RNF125: variants seen among roughly 807,000 people sequenced by gnomAD.
RNF125 encodes the protein ring finger protein 125, also known as E3 ubiquitin-protein ligase RNF125.
In RNF125, 21 loss-of-function variants were observed where a neutral mutation model predicts 26.0. The ratio of observed to expected loss-of-function variants is 0.81; its 90% CI spans 0.57 to 1.16. The LOEUF (loss-of-function observed/expected upper bound fraction) is 1.16, where lower values mean the gene tolerates loss of function less well. Ranked by LOEUF, RNF125 falls within the 50% of genes most tolerant of loss-of-function variation. The pLI is 0.00. For missense variants in RNF125, 270 were observed against 299.4 expected, an observed-to-expected ratio of 0.90 and a Z score of 0.72; for synonymous variants, 95 against 109.2, an observed-to-expected ratio of 0.87 and a Z score of 0.81.
rs76341021 is a variant in RNF125, at chr18:32,067,924, T to C, written c.613-374T>C. ...TTCAGAAGTAGCCATTCAGTGGTAC[T>C]GCTGGCATTGGTGAAGCCTGTGGGG... On this transcript the variant is annotated intron_variant, in intron 5 of 5. Transcript: ENST00000217740. 9.1e-4 allele frequency among the ~76,000 whole-genome samples: 138 copies of C among 152,374 alleles called. 4 individuals carry two copies. The East Asian group carries it at 0.022, about 24-fold the overall frequency.
At chr18:32,076,266 G>A (rs1033308033), downstream of RNF125, 22 of 391,940 alleles carry the variant, frequency 5.6e-5, no homozygotes, top group Admixed American at 1.6e-4. Flanking sequence ...ACATTTATGC[G>A]CACCATTGTG....
rs538960587 is a variant in RNF125 at position 32,041,815 on chromosome 18, A to G, written c.319-364A>G. 6 of 115,918 alleles carry G rather than the reference A, an allele frequency of 5.2e-5. No individual in the cohort carries two copies. The South Asian group carries it at 8.4e-4, about 16-fold the overall frequency. The allele number at this position is 115,918 out of a possible 1,614,324, so 7.2% of individuals were successfully genotyped here. A position where few individuals can be genotyped will look rare whatever the true frequency, so the allele number is the denominator to read the frequency against. ...CCGGCTAATTTTTTGTATTTTTAGT[A>G]GAGACGGGGTTTCACCGTGTTAGCC... On this transcript the variant is annotated intron_variant, in intron 2 of 5. Coordinates refer to ENST00000217740, the MANE Select transcript of RNF125 (RefSeq NM_017831.4).
chr18:32,041,332 C>CTGTT (rs1412237462), intron 2 of RNF125, among the ~76,000 whole-genome samples: 1 of 152,166 alleles, frequency 6.6e-6, no homozygotes. Flanking sequence ...TCATGTAATA[C>CTGTT]TGTTGGGTGT....
chr18:32,047,387 A>C (rs967666752), intron 4 of RNF125, among the ~76,000 whole-genome samples: 1 of 152,138 alleles, frequency 6.6e-6, no homozygotes, highest in African/African-American at 2.4e-5. Flanking sequence ...TGTATGCTTA[A>C]ACTTTTCCTT....
chr18:32,053,903 A>AG (rs1306415659), intron 4 of RNF125, among the ~76,000 whole-genome samples: 6 of 151,876 alleles, frequency 4.0e-5, no homozygotes, highest in African/African-American at 7.3e-5. Context: ...CAGAAAGACT[A>AG]GGGGGGGAGA....
intron 4 of RNF125, among the ~76,000 whole-genome samples, chr18:32,055,372 G>T (rs1343864913): frequency 6.6e-6 from 1 of 151,806 alleles, no homozygotes; most frequent in Non-Finnish European, 1.5e-5. Context: ...TCTTGCTCCC[G>T]GTATTCATTC....
chr18:32,019,330 G>A (rs2038963291), intron 1 of RNF125, among the ~76,000 whole-genome samples: 1 of 152,124 alleles, frequency 6.6e-6, no homozygotes, highest in Admixed American at 6.5e-5. Flanking sequence ...CCCAGAGCCA[G>A]GGCTCGCCAA....
At chr18:32,053,909 G>A (rs2039354030) in intron 4 of RNF125, among the ~76,000 whole-genome samples, 2 of 151,896 alleles carry the variant, frequency 1.3e-5, no homozygotes, top group South Asian at 2.1e-4. Context: ...GACTAGGGGG[G>A]GAGACAGGGT....
At chr18:32,086,495 G>A in the RNF125 span, among the ~76,000 whole-genome samples, 3 of 151,514 alleles carry the variant, frequency 2.0e-5, no homozygotes, top group African/African-American at 7.3e-5. Flanking sequence ...GGGATTACAC[G>A]TGTGAGCCAC....
intron 1 of RNF125, among the ~76,000 whole-genome samples, chr18:32,020,421 C>G (rs2038976135): frequency 6.6e-6 from 1 of 151,880 alleles, no homozygotes; most frequent in African/African-American, 2.4e-5. Flanking sequence ...GGAGCGGAAG[C>G]CTACTTAATG....
intron 1 of RNF125, among the ~76,000 whole-genome samples, chr18:32,032,422 A>G (rs1453729857): frequency 1.3e-5 from 2 of 151,200 alleles, no homozygotes; most frequent in African/African-American, 4.9e-5. Flanking sequence ...TGTGTTGGCC[A>G]GGCTGGTCTC....
Position 32,072,674 on chromosome 18 carries a change from G to A in RNF125, c.*4290G>A, listed in dbSNP as rs576228535. ...TTTTATAAAAAGGTATTTATAATTC[G>A]TTGATAAAAACCAATATTTGAAGCT... On this transcript the variant is annotated 3_prime_UTR_variant, in exon 6 of 6. Transcript: ENST00000217740. The A allele has an allele frequency of 4.6e-5, 7 of 152,224 alleles. No individual in the cohort carries two copies. Among genetic ancestry groups the A allele is most frequent in the East Asian group, 1.9e-4 (1 of 5,186 alleles). 9.4% of individuals were successfully genotyped at this position (152,224 alleles called of 1,614,324 possible). A position where few individuals can be genotyped will look rare whatever the true frequency, so the allele number is the denominator to read the frequency against.
At chr18:32,043,338 C>T (rs1365763741) in intron 3 of RNF125, among the ~76,000 whole-genome samples, 1 of 152,170 alleles carries the variant, frequency 6.6e-6, no homozygotes, top group African/African-American at 2.4e-5. Context: ...TATTGGTATT[C>T]TGTATAATTT....
the RNF125 span, among the ~76,000 whole-genome samples, chr18:32,078,977 C>T: frequency 6.6e-6 from 1 of 152,314 alleles, no homozygotes; most frequent in Non-Finnish European, 1.5e-5. Flanking sequence ...ACCAGTATCC[C>T]TTGACCATAC....
the RNF125 span, among the ~76,000 whole-genome samples, chr18:32,087,753 T>G: frequency 1.3e-5 from 2 of 152,120 alleles, no homozygotes; most frequent in African/African-American, 2.4e-5. Context: ...TATGATTCCT[T>G]GTGTAAAAAG....
In RNF125 at chr18:32,066,020, T is replaced by A; in HGVS notation, c.612+11T>A. The A allele has an allele frequency of 6.7e-7, 1 of 1,487,152 alleles. No individual in the cohort carries two copies. Among genetic ancestry groups the A allele is most frequent in the Middle Eastern group, 1.7e-4 (1 of 5,834 alleles). The allele number at this position is 1,487,152 out of a possible 1,614,324, so 92.1% of individuals were successfully genotyped here. ...TATGATGATTTCATAGTAAGTATATTTTCTTATTTTTACATTATGTTTTCA... is the reference window on the plus strand; with the variant it reads ...TATGATGATTTCATAGTAAGTATATATTCTTATTTTTACATTATGTTTTCA... On this transcript the variant is annotated intron_variant, in intron 5 of 5. Transcript: ENST00000217740.
chr18:32,089,518 G>A, the RNF125 span, among the ~76,000 whole-genome samples: 1 of 152,144 alleles, frequency 6.6e-6, no homozygotes, highest in Non-Finnish European at 1.5e-5. Context: ...TTTTATTTAC[G>A]CAGCTGAATG....
At chr18:32,079,103 C>T in the RNF125 span, among the ~76,000 whole-genome samples, 1 of 152,146 alleles carries the variant, frequency 6.6e-6, no homozygotes, top group Non-Finnish European at 1.5e-5. Flanking sequence ...CAGGGCTTTA[C>T]TAGAAATTCA....
chr18:32,084,821 A>T, the RNF125 span, among the ~76,000 whole-genome samples: 1 of 152,234 alleles, frequency 6.6e-6, no homozygotes, highest in African/African-American at 2.4e-5. Flanking sequence ...GAAGCTGTAT[A>T]ATAATACATA....
Sources: gnomAD v4.1 joint callset for allele counts (sites outside exome capture counted in the v4.1 genomes callset) on GRCh38, gnomAD v4.1.1 for gene constraint, MANE v1.5 for transcripts, NCBI Gene and HGNC (gene_info 2026-07-23, HGNC 2026-07-21) for gene names.